Variants in ITGA9 observed in about 807,000 individuals in gnomAD.
ITGA9 encodes the protein integrin subunit alpha 9.
A neutral mutation model predicts 127.8 loss-of-function variants in ITGA9; 56 were observed. The observed-to-expected ratio is 0.44, with a 90% CI of 0.35 to 0.55. The LOEUF is 0.55. Among genes scored for constraint, ITGA9 ranks in the 20% least tolerant of loss-of-function variants. ITGA9 has a pLI of 0.00. For synonymous variants in ITGA9, 508 were observed against 514.5 expected, an observed-to-expected ratio of 0.99 and a Z score of 0.17; for missense variants, 1,196 against 1,347.1, an observed-to-expected ratio of 0.89 and a Z score of 1.76.
Position 37,822,913 on chromosome 3 carries a change from A to G in ITGA9, c.*3924A>G, listed in dbSNP as rs1697530892. 1 of 152,208 alleles carries G rather than the reference A, an allele frequency of 6.6e-6. No individual in the cohort carries two copies. The highest frequency in any genetic ancestry group is 1.5e-5 in the Non-Finnish European group (1 of 68,034). 9.4% of individuals were successfully genotyped at this position (152,208 alleles called of 1,614,324 possible). ...TCAAAATTTAGAGGTGCTGGAAAGGATTGTCACTTGGAGCCTTTAGTAGAC... is the reference window on the plus strand; with the variant it reads ...TCAAAATTTAGAGGTGCTGGAAAGGGTTGTCACTTGGAGCCTTTAGTAGAC... On this transcript the variant is annotated 3_prime_UTR_variant, in exon 28 of 28. Coordinates refer to ENST00000264741, the MANE Select transcript of ITGA9 (RefSeq NM_002207.3).
chr3:37,605,009 A>G (rs765064923), intron 15 of ITGA9, among the ~76,000 whole-genome samples: 2 of 152,172 alleles, frequency 1.3e-5, no homozygotes, highest in Admixed American at 6.5e-5. Flanking sequence ...CTTACCGTCT[A>G]ATAGGAATGA....
At chr3:37,787,336 G>A (rs759253104) in intron 26 of ITGA9, among the ~76,000 whole-genome samples, 1 of 152,024 alleles carries the variant, frequency 6.6e-6, no homozygotes, top group Non-Finnish European at 1.5e-5. Flanking sequence ...GGACTAGACT[G>A]TGGGATCCAG....
In ITGA9 at chr3:37,542,578, A is replaced by C. The variant is rs776193315; in HGVS notation, c.1682A>C (p.His561Pro). 6 of 1,614,036 alleles carry C rather than the reference A, an allele frequency of 3.7e-6. No homozygotes were observed. Among genetic ancestry groups the C allele is most frequent in the Non-Finnish European group, 5.1e-6 (6 of 1,180,016 alleles). The part of the protein sequence containing the change: ...MEETCRHYVA[H>P]VKRRVQDVIS... Reference sequence around the variant, plus strand: ...GAGACGTGTCGTCACTATGTGGCCCATGTGAAGGTCAGTCCTCTCCTCCTT... The same window carrying C: ...GAGACGTGTCGTCACTATGTGGCCCCTGTGAAGGTCAGTCCTCTCCTCCTT... Residue 561 changes from histidine to proline, a missense_variant, in exon 15 of 28, where the codon CAT (histidine) becomes CCT (proline). Physicochemically the swap from His to Pro is moderately conservative, Grantham distance 77. Coordinates refer to ENST00000264741, the MANE Select transcript of ITGA9 (RefSeq NM_002207.3).
intron 11 of ITGA9, among the ~76,000 whole-genome samples, chr3:37,522,335 C>T (rs550424617): frequency 2.6e-5 from 4 of 152,228 alleles, no homozygotes; most frequent in Admixed American, 6.5e-5. Flanking sequence ...CTGCGCCACA[C>T]GAATGTTGAT....
intron 16 of ITGA9, among the ~76,000 whole-genome samples, chr3:37,640,960 G>A (rs1700327511): frequency 6.6e-6 from 1 of 152,216 alleles, no homozygotes; most frequent in South Asian, 2.1e-4. Flanking sequence ...TCCTGGTGTT[G>A]TGAGGAGAGG....
chr3:37,488,812 T>C (rs939319361), intron 4 of ITGA9, among the ~76,000 whole-genome samples: 1 of 150,306 alleles, frequency 6.7e-6, no homozygotes, highest in African/African-American at 2.5e-5. Context: ...AAAAAAAAAA[T>C]ATTGTAAAAA....
intron 8 of ITGA9, among the ~76,000 whole-genome samples, chr3:37,513,382 G>A (rs1168465349): frequency 1.3e-5 from 2 of 152,086 alleles, no homozygotes; most frequent in East Asian, 1.9e-4. Flanking sequence ...AGGCATTCTG[G>A]TTTAGGGGGC....
intron 6 of ITGA9, among the ~76,000 whole-genome samples, chr3:37,504,257 C>T (rs550530333): frequency 6.6e-6 from 1 of 152,284 alleles, no homozygotes; most frequent in East Asian, 1.9e-4. Flanking sequence ...CTATGCCAGG[C>T]TGTATGTATT....
At chr3:37,567,311 C>T (rs1212144467) in intron 15 of ITGA9, among the ~76,000 whole-genome samples, 1 of 152,156 alleles carries the variant, frequency 6.6e-6, no homozygotes, top group Non-Finnish European at 1.5e-5. Context: ...TGGGAAAGAC[C>T]CATCCCCATG....
intron 8 of ITGA9, among the ~76,000 whole-genome samples, chr3:37,512,056 CTTTCTTTCT>C (rs1559524635): frequency 2.3e-5 from 1 of 44,368 alleles, no homozygotes; most frequent in African/African-American, 7.1e-5. Flanking sequence ...TTCTTTCTTT[CTTTCTTTCT>C]TTCTTTCTTT....
chr3:37,664,483 C>T (rs143789497), intron 17 of ITGA9, among the ~76,000 whole-genome samples: 5 of 143,374 alleles, frequency 3.5e-5, no homozygotes, highest in Admixed American at 2.9e-4. Context: ...GGCAATGGCA[C>T]AATCTCAGCT....
rs767792424 is a variant in ITGA9, at chr3:37,629,169, A to G, written c.1690-18A>G. 1.2e-6 allele frequency: 2 copies of G among 1,612,148 alleles called. No homozygotes were observed. The highest frequency in any genetic ancestry group is 1.7e-5 in the Admixed American group (1 of 60,010). ...GCCAGGATTAGTAGTTAATGCACGT[A>G]TTTGTTTATTGTTTCAGCGGAGGGT... On this transcript the variant is annotated intron_variant, in intron 15 of 27. Coordinates refer to ENST00000264741, the MANE Select transcript of ITGA9 (RefSeq NM_002207.3). The surrounding 1 kb of genome is among the most constrained non-coding windows in gnomAD (Gnocchi z 4.5).
At chr3:37,455,234 A>T (rs197730) in intron 1 of ITGA9, among the ~76,000 whole-genome samples, 1 of 151,860 alleles carries the variant, frequency 6.6e-6, no homozygotes, top group Non-Finnish European at 1.5e-5. Context: ...CTTGAGGGAC[A>T]TGTCAGTCAT....
At chr3:37,598,614 G>T (rs1245162976) in intron 15 of ITGA9, among the ~76,000 whole-genome samples, 2 of 152,124 alleles carry the variant, frequency 1.3e-5, no homozygotes, top group Non-Finnish European at 2.9e-5. Context: ...CTGGCCAGGG[G>T]TATTAGCCCT....
At chr3:37,566,523 T>C (rs1203601557) in intron 15 of ITGA9, among the ~76,000 whole-genome samples, 3 of 152,234 alleles carry the variant, frequency 2.0e-5, no homozygotes, top group Non-Finnish European at 4.4e-5. Flanking sequence ...TACTATACAT[T>C]CTTTTAAAAG....
chr3:37,732,980 G>A (rs895649187), intron 19 of ITGA9, 182 bp downstream of exon 19: 15 of 645,060 alleles, frequency 2.3e-5, no homozygotes, highest in African/African-American at 1.1e-4. Context: ...GGTATACTCC[G>A]GAGGGGCTGC....
intron 4 of ITGA9, among the ~76,000 whole-genome samples, chr3:37,488,467 G>A (rs959766925): frequency 6.6e-6 from 1 of 152,102 alleles, no homozygotes; most frequent in Non-Finnish European, 1.5e-5. Flanking sequence ...TAAAGGGAAC[G>A]CTTTAAAGAT....
At position 37,629,623 on chromosome 3, in the gene ITGA9, C is replaced by A; in HGVS notation, c.1839+287C>A. On this transcript the variant is annotated intron_variant, in intron 16 of 27. Transcript: ENST00000264741. This position sits in a 1 kb window ranked among gnomAD's most constrained non-coding sequence, Gnocchi z 4.5. ...ACTGGCTGGCCACTTGGTCCCTGAA[C>A]TTGCCTCTGTTCCTAGACTGTTTTC... 1.7e-6 allele frequency: 1 copy of A among 604,288 alleles called. No individual in the cohort carries two copies. The highest frequency in any genetic ancestry group is 2.0e-5 in the South Asian group (1 of 50,006). The allele number at this position is 604,288 out of a possible 1,614,324, so 37.4% of individuals were successfully genotyped here.
intron 15 of ITGA9, among the ~76,000 whole-genome samples, chr3:37,558,841 C>T (rs1001836328): frequency 1.3e-5 from 2 of 152,188 alleles, no homozygotes; most frequent in South Asian, 4.1e-4. Flanking sequence ...CGAGCTTTTT[C>T]CCCTGGGCTG....
Sources: allele counts gnomAD v4.1 joint callset (sites outside exome capture counted in the v4.1 genomes callset), GRCh38; gene constraint gnomAD v4.1.1; non-coding constraint Gnocchi (gnomAD v3.1); transcripts MANE v1.5; gene names NCBI Gene and HGNC (gene_info 2026-07-23, HGNC 2026-07-21).